The following UBE2G1 variants were observed in gnomAD, a reference collection of about 807,000 sequenced individuals.
UBE2G1 encodes the protein ubiquitin conjugating enzyme E2 G1.
In UBE2G1, 5 loss-of-function variants were observed where a neutral mutation model predicts 22.7. The observed-to-expected ratio is 0.22, with a 90% CI of 0.12 to 0.46. The LOEUF is 0.46. Among genes scored for constraint, UBE2G1 ranks in the 20% least tolerant of loss-of-function variants. The pLI, the probability that UBE2G1 is intolerant of heterozygous loss-of-function variation, is 0.99. For synonymous variants in UBE2G1, 74 were observed against 67.5 expected (o/e 1.10, Z -0.47); for missense variants, 88 against 203.9 (o/e 0.43, Z 3.46).
chr17:4,283,051 G>C (rs1020686930), intron 4 of UBE2G1, 130 bp from the exon 5 acceptor site: 4 of 759,856 alleles, frequency 5.3e-6, no homozygotes, highest in Non-Finnish European at 8.2e-6. Context: ...GAGTTGAAAA[G>C]GTAGAAAGCA....
rs79779324 is a variant in UBE2G1, at chr17:4,293,978, T to A, written c.247+2739A>T. 1.1e-3 allele frequency among the ~76,000 whole-genome samples: 166 copies of A among 152,320 alleles called. 4 individuals are homozygous for A. The East Asian group carries it at 0.032, about 29-fold the overall frequency. ...GTGTAATCTTTCAAGAAGGAAAATA[T>A]AAGAGAAACCTATTACATAGCTTTT... is the stretch of plus-strand genomic sequence containing the variant. On this transcript the variant is annotated intron_variant, in intron 3 of 5. Transcript: ENST00000396981.
At chr17:4,304,657 A>C (rs1449143129) in intron 2 of UBE2G1, among the ~76,000 whole-genome samples, 2 of 152,114 alleles carry the variant, frequency 1.3e-5, no homozygotes, top group Non-Finnish European at 2.9e-5. Context: ...AGATAATCAC[A>C]GCAGCTTTTA....
At chr17:4,274,595 A>C (rs1968800423) in intron 5 of UBE2G1, among the ~76,000 whole-genome samples, 1 of 152,210 alleles carries the variant, frequency 6.6e-6, no homozygotes, top group South Asian at 2.1e-4. Context: ...CAAGATCCTG[A>C]GAGGTAGAAC....
intron 5 of UBE2G1, among the ~76,000 whole-genome samples, chr17:4,275,614 AT>A (rs1968812426): frequency 6.6e-6 from 1 of 152,218 alleles, no homozygotes; most frequent in East Asian, 1.9e-4. Flanking sequence ...ATCTAAAAAA[AT>A]ATAAAACAGA....
intron 1 of UBE2G1, among the ~76,000 whole-genome samples, chr17:4,333,164 G>A (rs898221787): frequency 6.6e-6 from 1 of 152,132 alleles, no homozygotes; most frequent in Non-Finnish European, 1.5e-5. Flanking sequence ...AATTTTGATG[G>A]TTGAGGATAA....
chr17:4,274,600 T>A (rs891926824), intron 5 of UBE2G1, among the ~76,000 whole-genome samples: 2 of 152,036 alleles, frequency 1.3e-5, no homozygotes, highest in African/African-American at 2.4e-5. Context: ...TCCTGAGAGG[T>A]AGAACGACTG....
chr17:4,292,555 T>C (rs1969054639), intron 3 of UBE2G1, among the ~76,000 whole-genome samples: 1 of 152,202 alleles, frequency 6.6e-6, no homozygotes, highest in Admixed American at 6.5e-5. Context: ...GGATAGCATA[T>C]TTATTCTCCT....
intron 1 of UBE2G1, among the ~76,000 whole-genome samples, chr17:4,324,544 T>C (rs965676341): frequency 1.3e-5 from 2 of 152,162 alleles, no homozygotes; most frequent in African/African-American, 2.4e-5. Context: ...CTGCTACAGT[T>C]TGCAGGAAAT....
At chr17:4,365,428 C>A (rs1042507917) in intron 1 of UBE2G1, among the ~76,000 whole-genome samples, 2 of 152,208 alleles carry the variant, frequency 1.3e-5, no homozygotes, top group Non-Finnish European at 2.9e-5. Flanking sequence ...CGCAAACGGC[C>A]GGAGGCCGGG....
intron 5 of UBE2G1, among the ~76,000 whole-genome samples, chr17:4,275,963 A>T (rs1296639489): frequency 6.6e-6 from 1 of 151,746 alleles, no homozygotes. Context: ...GTGAGAACTC[A>T]CTCTCCTAAC....
At chr17:4,296,339 T>C (rs1969111256) in intron 3 of UBE2G1, among the ~76,000 whole-genome samples, 1 of 152,322 alleles carries the variant, frequency 6.6e-6, no homozygotes, top group African/African-American at 2.4e-5. Context: ...CTTGGCTCAC[T>C]GCAACCTGCA....
chr17:4,273,518 T>A (rs1968784478), intron 5 of UBE2G1, among the ~76,000 whole-genome samples: 1 of 152,098 alleles, frequency 6.6e-6, no homozygotes, highest in South Asian at 2.1e-4. Context: ...TTTTTAATTT[T>A]TTTTTGTAGA....
intron 1 of UBE2G1, among the ~76,000 whole-genome samples, chr17:4,330,097 C>T (rs956961813): frequency 5.3e-5 from 8 of 152,030 alleles, no homozygotes; most frequent in African/African-American, 1.9e-4. Context: ...AGCTAGACCA[C>T]CCAGAGCCAT....
chr17:4,346,825 A>G (rs1969781967), intron 1 of UBE2G1, among the ~76,000 whole-genome samples: 1 of 152,140 alleles, frequency 6.6e-6, no homozygotes, highest in South Asian at 2.1e-4. Flanking sequence ...GAGTATCTAT[A>G]TATGCCCAGT....
At chr17:4,276,795 G>A (rs1968826513) in intron 5 of UBE2G1, among the ~76,000 whole-genome samples, 1 of 152,184 alleles carries the variant, frequency 6.6e-6, no homozygotes, top group Admixed American at 6.5e-5. Context: ...AAGAGTGAGG[G>A]ATGCAAGCTT....
intron 1 of UBE2G1, among the ~76,000 whole-genome samples, chr17:4,351,575 T>C (rs1193605842): frequency 1.3e-5 from 2 of 152,220 alleles, no homozygotes; most frequent in Admixed American, 6.5e-5. Flanking sequence ...GGAACTATCA[T>C]ACCATAAATG....
Position 4,282,821 on chromosome 17 carries a change from C to A in UBE2G1, c.*14G>T. ...ACCCTGAAATAAGTGAAGTTACTAGCTGCTAAATAAATGTCACTCAAAAGC... is the reference window on the plus strand; with the variant it reads ...ACCCTGAAATAAGTGAAGTTACTAGATGCTAAATAAATGTCACTCAAAAGC... On this transcript the variant is annotated 3_prime_UTR_variant, in exon 5 of 6. Transcript: ENST00000396981. 1 of 1,604,756 alleles carries A rather than the reference C, an allele frequency of 6.2e-7. No homozygotes were observed. Among genetic ancestry groups the A allele is most frequent in the Middle Eastern group, 1.7e-4 (1 of 6,020 alleles).
At chr17:4,332,088 T>G (rs897168466) in intron 1 of UBE2G1, among the ~76,000 whole-genome samples, 7 of 152,352 alleles carry the variant, frequency 4.6e-5, no homozygotes, top group Admixed American at 4.6e-4. Flanking sequence ...CTTGAATCAC[T>G]GGTATTTGAT....
At chr17:4,294,069 T>C (rs934785) in intron 3 of UBE2G1, among the ~76,000 whole-genome samples, 145,817 of 152,216 alleles carry the variant, frequency 0.96, 70,183 homozygotes, top group East Asian at 1. Context: ...ATGAATTAAA[T>C]GAGTCCTCAC....
Sources: gnomAD v4.1 joint callset for allele counts (sites outside exome capture counted in the v4.1 genomes callset) on GRCh38, gnomAD v4.1.1 for gene constraint, MANE v1.5 for transcripts, NCBI Gene and HGNC (gene_info 2026-07-23, HGNC 2026-07-21) for gene names.